DISC1: variants seen among roughly 807,000 people sequenced by gnomAD.
DISC1 encodes disrupted in schizophrenia 1 protein.
Under a neutral mutation model 84.5 loss-of-function variants are expected in DISC1, and 57 were observed. That is an observed-to-expected ratio of 0.67 (90% CI 0.55 to 0.84). The LOEUF is 0.84. DISC1 is among the 40% of genes least tolerant of loss of function. The pLI is 0.00. For synonymous variants in DISC1, 411 were observed against 415.2 expected (o/e 0.99, Z 0.12); for missense variants, 1,000 against 1,057.8 (o/e 0.95, Z 0.76).
At chr1:231,700,397 A>AT (rs1316743586) in intron 2 of DISC1, among the ~76,000 whole-genome samples, 1 of 152,032 alleles carries the variant, frequency 6.6e-6, no homozygotes, top group Non-Finnish European at 1.5e-5. Context: ...TCAATGCTGA[A>AT]TTTTTTTCTC....
intron 3 of DISC1, among the ~76,000 whole-genome samples, chr1:231,733,458 AGTG>A (rs1275549607): frequency 3.7e-5 from 5 of 136,898 alleles, no homozygotes; most frequent in Non-Finnish European, 3.3e-5. Context: ...TGATTGTAGA[AGTG>A]GTGGTGATGG....
intron 1 of DISC1, among the ~76,000 whole-genome samples, chr1:231,659,924 G>A (rs1033382628): frequency 1.3e-5 from 2 of 152,200 alleles, no homozygotes; most frequent in African/African-American, 4.8e-5. Context: ...AGTGCCATAT[G>A]TCAATGAGGA....
At chr1:231,678,442 C>T (rs1284654640) in intron 1 of DISC1, among the ~76,000 whole-genome samples, 1 of 152,160 alleles carries the variant, frequency 6.6e-6, no homozygotes, top group Non-Finnish European at 1.5e-5. Context: ...TGAGAGAAGG[C>T]AGTGTGGACA....
intron 11 of DISC1, among the ~76,000 whole-genome samples, chr1:232,012,286 GA>G (rs1558836031): frequency 6.6e-6 from 1 of 152,158 alleles, no homozygotes; most frequent in Non-Finnish European, 1.5e-5. Context: ...TCAAGAAGTA[GA>G]CATGAGCAAT....
At chr1:231,965,942 G>A (rs1661050357) in intron 10 of DISC1, among the ~76,000 whole-genome samples, 1 of 152,194 alleles carries the variant, frequency 6.6e-6, no homozygotes, top group South Asian at 2.1e-4. Flanking sequence ...TAGACTGTGA[G>A]CTCCTTGTAG....
intron 5 of DISC1, among the ~76,000 whole-genome samples, chr1:231,769,749 G>C (rs1404782526): frequency 6.6e-6 from 1 of 152,182 alleles, no homozygotes; most frequent in Non-Finnish European, 1.5e-5. Flanking sequence ...ACTTAAAAAT[G>C]CTCAAGATGG....
At chr1:231,673,638 A>G (rs1018990880) in intron 1 of DISC1, among the ~76,000 whole-genome samples, 1 of 152,232 alleles carries the variant, frequency 6.6e-6, no homozygotes, top group African/African-American at 2.4e-5. Flanking sequence ...AGGAGGCTCT[A>G]CTTGAAACCA....
intron 9 of DISC1, 59 bp from the exon 10 acceptor site, chr1:231,958,769 G>T (rs566886043): frequency 5.2e-6 from 8 of 1,530,852 alleles, no homozygotes; most frequent in Non-Finnish European, 7.2e-6. Flanking sequence ...TAGTTGAATG[G>T]TTTTTATTCA....
chr1:231,650,202 C>T (rs779125185), intron 1 of DISC1, among the ~76,000 whole-genome samples: 2 of 152,170 alleles, frequency 1.3e-5, no homozygotes, highest in East Asian at 1.9e-4. Context: ...GGCTGGTACC[C>T]GTTGTTCCTT....
chr1:231,722,904 A>C, intron 3 of DISC1: 2 of 1,300,266 alleles, frequency 1.5e-6, no homozygotes, highest in South Asian at 1.8e-5. Flanking sequence ...GTGTTGGGAC[A>C]ATTAGATTTT....
At chr1:231,957,323 C>T (rs981248557) in intron 9 of DISC1, among the ~76,000 whole-genome samples, 7 of 152,200 alleles carry the variant, frequency 4.6e-5, no homozygotes, top group African/African-American at 1.2e-4. Context: ...GTCATTTCCC[C>T]AGTGATGCCT....
intron 6 of DISC1, among the ~76,000 whole-genome samples, chr1:231,792,321 G>A (rs1359492257): frequency 2.6e-5 from 4 of 152,170 alleles, no homozygotes; most frequent in Non-Finnish European, 4.4e-5. Flanking sequence ...CCAGACAAGT[G>A]AACTGTGTCA....
chr1:231,988,496 G>C (rs932037900), intron 10 of DISC1, among the ~76,000 whole-genome samples: 2 of 152,182 alleles, frequency 1.3e-5, no homozygotes, highest in Admixed American at 1.3e-4. Flanking sequence ...ATTAGGTCAC[G>C]AGGGTGGAGC....
intron 3 of DISC1, among the ~76,000 whole-genome samples, chr1:231,711,897 C>G (rs2067902291): frequency 6.6e-6 from 1 of 152,210 alleles, no homozygotes. Context: ...CCACATCCTA[C>G]TCCTTGGAAC....
chr1:231,719,737 G>A (rs12062680), intron 3 of DISC1, among the ~76,000 whole-genome samples: 181 of 152,228 alleles, frequency 1.2e-3, no homozygotes, highest in African/African-American at 4.0e-3. Context: ...TTGTTCAAAT[G>A]TATTTGCGAA....
At chr1:231,733,951 T>C (rs2125211205) in intron 3 of DISC1, among the ~76,000 whole-genome samples, 1 of 151,218 alleles carries the variant, frequency 6.6e-6, no homozygotes, top group South Asian at 2.1e-4. Context: ...ATGGCTGAAG[T>C]GGTGGTGGGG....
chr1:231,847,438 A>G (rs760633459), intron 9 of DISC1, among the ~76,000 whole-genome samples: 2 of 152,076 alleles, frequency 1.3e-5, no homozygotes, highest in Non-Finnish European at 2.9e-5. Flanking sequence ...TCCATACCTC[A>G]TTTTATAAGA....
chr1:231,652,907 G>A (rs903900409), intron 1 of DISC1, among the ~76,000 whole-genome samples: 6 of 152,142 alleles, frequency 3.9e-5, no homozygotes, highest in African/African-American at 1.4e-4. Flanking sequence ...AGCCTCCTGA[G>A]TAGCTAGGAT....
chr1:231,629,175 T>C (rs2058504968), intron 1 of DISC1, among the ~76,000 whole-genome samples: 1 of 152,250 alleles, frequency 6.6e-6, no homozygotes, highest in Admixed American at 6.5e-5. Context: ...AAACAAATGA[T>C]GACAATTTGC....
Sources: gnomAD v4.1 joint callset for allele counts (sites outside exome capture counted in the v4.1 genomes callset) on GRCh38, gnomAD v4.1.1 for gene constraint, MANE v1.5 for transcripts, NCBI Gene and HGNC (gene_info 2026-07-23, HGNC 2026-07-21) for gene names.